CNTN4: variants seen among roughly 807,000 people sequenced by gnomAD.
CNTN4 encodes the protein contactin-4.
A neutral mutation model predicts 122.5 loss-of-function variants in CNTN4; 77 were observed. That is an observed-to-expected ratio of 0.63 (90% CI 0.52 to 0.76). The LOEUF (loss-of-function observed/expected upper bound fraction) is 0.76, where lower values mean the gene tolerates loss of function less well. Among genes scored for constraint, CNTN4 ranks in the 30% least tolerant of loss-of-function variants. The pLI is 0.00. For missense variants in CNTN4, 1,256 were observed against 1,259.1 expected, an observed-to-expected ratio of 1.00 and a Z score of 0.04; for synonymous variants, 512 against 447.0, an observed-to-expected ratio of 1.15 and a Z score of -1.83.
At chr3:2,993,299 A>ATTT (rs576176618) in intron 14 of CNTN4, among the ~76,000 whole-genome samples, 16,492 of 143,758 alleles carry the variant, frequency 0.11, 1,164 homozygotes, top group Non-Finnish European at 0.16. Context: ...AGACTGTGTA[A>ATTT]TTTTTTTTTT....
At chr3:2,258,184 G>A (rs1043601331) in intron 2 of CNTN4, among the ~76,000 whole-genome samples, 11 of 152,158 alleles carry the variant, frequency 7.2e-5, no homozygotes, top group African/African-American at 2.7e-4. Context: ...AGACAGTGTG[G>A]CAATTCCTCA....
intron 3 of CNTN4, among the ~76,000 whole-genome samples, chr3:2,442,395 G>A (rs2048473004): frequency 6.6e-6 from 1 of 152,160 alleles, no homozygotes; most frequent in African/African-American, 2.4e-5. Flanking sequence ...ATTCCAAAGT[G>A]TGAAATGAAG....
intron 6 of CNTN4, among the ~76,000 whole-genome samples, chr3:2,799,700 A>C (rs1159508460): frequency 2.0e-5 from 3 of 152,140 alleles, no homozygotes; most frequent in Non-Finnish European, 4.4e-5. Flanking sequence ...CTATAGTTTC[A>C]GGTCATAACT....
chr3:2,180,021 C>G (rs1240553708), intron 2 of CNTN4, among the ~76,000 whole-genome samples: 1 of 151,588 alleles, frequency 6.6e-6, no homozygotes, highest in Admixed American at 6.6e-5. Context: ...AGCAACATTT[C>G]AAGGGCTCCA....
chr3:2,916,499 C>T (rs1314197146), intron 12 of CNTN4, among the ~76,000 whole-genome samples: 5 of 147,890 alleles, frequency 3.4e-5, no homozygotes, highest in East Asian at 2.0e-4. Flanking sequence ...ACACATGTTT[C>T]AGAGAGCACG....
intron 2 of CNTN4, among the ~76,000 whole-genome samples, chr3:2,233,173 A>G (rs7627882): frequency 0.14 from 22,051 of 152,158 alleles, 1,943 homozygotes; most frequent in Non-Finnish European, 0.21. Flanking sequence ...ATATACCCAC[A>G]GAAACCCCAA....
chr3:3,049,557 G>A (rs1045192004), intron 23 of CNTN4, among the ~76,000 whole-genome samples: 2 of 152,178 alleles, frequency 1.3e-5, no homozygotes, highest in Non-Finnish European at 2.9e-5. Flanking sequence ...GCCACTTGGT[G>A]CTTCTGCCTA....
chr3:2,127,693 A>G (rs1048021149), intron 2 of CNTN4, among the ~76,000 whole-genome samples: 9 of 152,198 alleles, frequency 5.9e-5, no homozygotes, highest in Non-Finnish European at 1.3e-4. Flanking sequence ...GCCAATTTCA[A>G]TTTAGCTGCT....
At chr3:2,292,880 G>C (rs1185095805) in intron 2 of CNTN4, among the ~76,000 whole-genome samples, 1 of 152,212 alleles carries the variant, frequency 6.6e-6, no homozygotes, top group African/African-American at 2.4e-5. Context: ...TCTGCTGCAA[G>C]TCTTGTTGTG....
intron 2 of CNTN4, among the ~76,000 whole-genome samples, chr3:2,337,023 G>T (rs1043490638): frequency 5.3e-5 from 8 of 152,118 alleles, no homozygotes; most frequent in African/African-American, 1.9e-4. Context: ...ACATAGGGCT[G>T]GTCTTTTCAG....
chr3:2,154,452 C>G (rs1017316693), intron 2 of CNTN4, among the ~76,000 whole-genome samples: 1 of 151,934 alleles, frequency 6.6e-6, no homozygotes, highest in South Asian at 2.1e-4. Flanking sequence ...CATCCTGGAT[C>G]ATTCAGTCTA....
At chr3:2,397,557 T>A (rs977826383) in intron 3 of CNTN4, among the ~76,000 whole-genome samples, 6 of 152,132 alleles carry the variant, frequency 3.9e-5, no homozygotes, top group African/African-American at 1.4e-4. Flanking sequence ...TACATCTGAT[T>A]GTATCAAATA....
In CNTN4 at chr3:2,806,613, G is replaced by T. The variant is rs150850898; in HGVS notation, c.359-12873G>T. On this transcript the variant is annotated intron_variant, in intron 6 of 24. Coordinates refer to ENST00000418658, the MANE Select transcript of CNTN4 (RefSeq NM_175607.3). ...AGTTGTTTCTCCCACTTCTTCAGCA[G>T]CTTAGAAGTTTTGTTTTGCTGGGGA... Among the ~76,000 whole-genome samples, 1,521 of 152,306 alleles carry T rather than the reference G, an allele frequency of 1.0e-2. 35 individuals carry two copies. The highest frequency in any genetic ancestry group is 0.034 in the African/African-American group (1,423 of 41,552).
At chr3:2,102,593 A>G (rs2032076201) in intron 2 of CNTN4, among the ~76,000 whole-genome samples, 1 of 152,206 alleles carries the variant, frequency 6.6e-6, no homozygotes, top group Admixed American at 6.5e-5. Context: ...CCCAGCCTTC[A>G]TCTGTTCTGT....
chr3:2,961,102 C>G (rs1290322509), intron 13 of CNTN4, among the ~76,000 whole-genome samples: 1 of 142,230 alleles, frequency 7.0e-6, no homozygotes, highest in African/African-American at 2.5e-5. Flanking sequence ...TGGTGATGGG[C>G]GCCTGTAGTC....
chr3:2,164,927 G>T (rs1194133857), intron 2 of CNTN4, among the ~76,000 whole-genome samples: 3 of 152,182 alleles, frequency 2.0e-5, no homozygotes, highest in African/African-American at 4.8e-5. Flanking sequence ...AAATGAAAAT[G>T]AGTCAAAATA....
intron 4 of CNTN4, among the ~76,000 whole-genome samples, chr3:2,582,743 A>G (rs974913569): frequency 2.6e-5 from 4 of 152,070 alleles, no homozygotes; most frequent in African/African-American, 7.2e-5. Flanking sequence ...CCTATTTTCA[A>G]TTTTGTCCTA....
chr3:2,500,728 TATTTA>T (rs2076572260), intron 3 of CNTN4, among the ~76,000 whole-genome samples: 1 of 152,142 alleles, frequency 6.6e-6, no homozygotes, highest in African/African-American at 2.4e-5. Flanking sequence ...ATCTATTTGA[TATTTA>T]ATTGTCCTTT....
intron 13 of CNTN4, among the ~76,000 whole-genome samples, chr3:2,950,990 G>GT (rs2124832787): frequency 6.6e-6 from 1 of 152,288 alleles, no homozygotes; most frequent in Admixed American, 6.5e-5. Flanking sequence ...TTCACTAGCT[G>GT]TATCACTTTG....
Sources: allele counts gnomAD v4.1 joint callset (sites outside exome capture counted in the v4.1 genomes callset), GRCh38; gene constraint gnomAD v4.1.1; transcripts MANE v1.5; gene names NCBI Gene and HGNC (gene_info 2026-07-23, HGNC 2026-07-21).